CCDC12: variants seen among roughly 807,000 people sequenced by gnomAD.
CCDC12 encodes coiled-coil domain-containing protein 12.
CCDC12 carries 28 observed loss-of-function variants against 25.7 expected under a neutral mutation model. The observed-to-expected ratio is 1.09, with a 90% CI of 0.81 to 1.50. CCDC12 has a LOEUF of 1.50. Among genes scored for constraint, CCDC12 ranks in the 40% most tolerant of loss-of-function variants. CCDC12 has a pLI of 0.00. For missense variants in CCDC12, 198 were observed against 210.0 expected, an observed-to-expected ratio of 0.94 and a Z score of 0.35; for synonymous variants, 75 against 87.7, an observed-to-expected ratio of 0.86 and a Z score of 0.81.
chr3:46,935,286 G>A (rs1309359502), intron 2 of CCDC12, among the ~76,000 whole-genome samples: 3 of 152,152 alleles, frequency 2.0e-5, no homozygotes, highest in African/African-American at 2.4e-5. Context: ...TTGGGAGGTC[G>A]GGACTTGCTT....
intron 1 of CCDC12, among the ~76,000 whole-genome samples, chr3:46,957,456 A>G (rs1002290437): frequency 6.6e-5 from 10 of 151,172 alleles, no homozygotes; most frequent in Admixed American, 4.0e-4. Context: ...AAGTGGCTCG[A>G]TTTCTAAAAC....
At chr3:46,979,675 G>A (rs1432893047), upstream of CCDC12, 3 of 317,508 alleles carry the variant, frequency 9.4e-6, no homozygotes, top group African/African-American at 6.6e-5. Context: ...CAGTGAGGAG[G>A]AGGAGCGAGC....
chr3:46,927,655 C>T (rs7624740), intron 2 of CCDC12, among the ~76,000 whole-genome samples: 6,681 of 152,276 alleles, frequency 0.044, 274 homozygotes, highest in African/African-American at 0.1. Context: ...TCCCGACCAC[C>T]ATGGGAAGGT....
chr3:46,967,776 G>C (rs1427127821), intron 1 of CCDC12, among the ~76,000 whole-genome samples: 1 of 152,172 alleles, frequency 6.6e-6, no homozygotes, highest in Non-Finnish European at 1.5e-5. Context: ...TAGCTGCAGA[G>C]TTCCTGCAGT....
intron 2 of CCDC12, among the ~76,000 whole-genome samples, chr3:46,938,516 CTGT>C (rs2033548431): frequency 8.3e-6 from 1 of 120,162 alleles, no homozygotes; most frequent in African/African-American, 2.9e-5. Context: ...TGTTCCCCTC[CTGT>C]TTTTTTTTTT....
chr3:46,922,341 A>G (rs771012074), intron 5 of CCDC12, 29 bp from the exon 6 acceptor site: 9 of 1,613,364 alleles, frequency 5.6e-6, no homozygotes, highest in Non-Finnish European at 7.6e-6. Flanking sequence ...GAGAAGCAGG[A>G]AGGTGAAGGC....
chr3:46,957,002 G>C (rs780920803), intron 1 of CCDC12, among the ~76,000 whole-genome samples: 31 of 152,148 alleles, frequency 2.0e-4, no homozygotes, highest in Admixed American at 1.3e-4. Flanking sequence ...GGGCTGCCCA[G>C]AGCCCGAGCT....
chr3:46,951,372 A>G (rs2034108128), intron 1 of CCDC12, among the ~76,000 whole-genome samples: 1 of 152,082 alleles, frequency 6.6e-6, no homozygotes, highest in Non-Finnish European at 1.5e-5. Context: ...TTAAAGTCTC[A>G]CCACAAAAAA....
intron 2 of CCDC12, 108 bp downstream of exon 2, chr3:46,940,890 G>C: frequency 9.5e-7 from 1 of 1,047,386 alleles, no homozygotes; most frequent in Non-Finnish European, 1.5e-6. Flanking sequence ...AGAAAGAAGA[G>C]GGGAGGGAAC....
At chr3:46,952,034 G>A (rs1358874158) in intron 1 of CCDC12, among the ~76,000 whole-genome samples, 1 of 151,228 alleles carries the variant, frequency 6.6e-6, no homozygotes, top group Non-Finnish European at 1.5e-5. Context: ...GCACAAAGGT[G>A]TTCTTCCCAT....
rs2032706723 is a variant in CCDC12, at chr3:46,922,149, A to G, written c.419-10T>C. ...CCTTTCAGCCTTTCACCTGGGATGGATGGCAGACAGAAGGGGTGGGGAGGG... is the reference window on the plus strand; with the variant it reads ...CCTTTCAGCCTTTCACCTGGGATGGGTGGCAGACAGAAGGGGTGGGGAGGG... On this transcript the variant is annotated splice_polypyrimidine_tract_variant and intron_variant, in intron 6 of 6. Coordinates refer to ENST00000683445, the MANE Select transcript of CCDC12 (RefSeq NM_001277074.2). 2 of 1,614,260 alleles carry G rather than the reference A, an allele frequency of 1.2e-6. No individual in the cohort carries two copies. Among genetic ancestry groups the G allele is most frequent in the Non-Finnish European group, 1.7e-6 (2 of 1,180,036 alleles).
At chr3:46,957,630 T>C (rs1419869246) in intron 1 of CCDC12, among the ~76,000 whole-genome samples, 1 of 152,166 alleles carries the variant, frequency 6.6e-6, no homozygotes, top group Non-Finnish European at 1.5e-5. Context: ...CAGTACTGAC[T>C]GAGTAGCTAG....
chr3:46,976,281 C>T, intron 1 of CCDC12: 1 of 1,116,592 alleles, frequency 9.0e-7, no homozygotes, highest in Non-Finnish European at 1.1e-6. Flanking sequence ...ACCAGCTAGG[C>T]CATAGAGGAA....
At chr3:46,973,741 T>C (rs573866964) in intron 1 of CCDC12, among the ~76,000 whole-genome samples, 1 of 151,082 alleles carries the variant, frequency 6.6e-6, no homozygotes, top group South Asian at 2.1e-4. Context: ...GCCTCCCAAG[T>C]AGCTGGGACT....
At chr3:46,974,516 GC>G (rs2034906244) in intron 1 of CCDC12, among the ~76,000 whole-genome samples, 1 of 151,882 alleles carries the variant, frequency 6.6e-6, no homozygotes, top group African/African-American at 2.4e-5. Flanking sequence ...AGGTGAACTA[GC>G]CATTGTTTGA....
chr3:46,930,749 A>G (rs1027246739), intron 2 of CCDC12, among the ~76,000 whole-genome samples: 4 of 152,174 alleles, frequency 2.6e-5, no homozygotes, highest in African/African-American at 9.6e-5. Context: ...CATCACGCTT[A>G]AAGAGCCAGC....
chr3:46,975,327 G>T (rs1392084126), intron 1 of CCDC12, among the ~76,000 whole-genome samples: 1 of 151,302 alleles, frequency 6.6e-6, no homozygotes, highest in African/African-American at 2.4e-5. Flanking sequence ...TGGGATTACA[G>T]GTGCCTGCCA....
chr3:46,950,025 CAAA>C (rs11298672), intron 1 of CCDC12, among the ~76,000 whole-genome samples: 15 of 108,516 alleles, frequency 1.4e-4, no homozygotes, highest in Admixed American at 1.9e-4. Flanking sequence ...GACTCCATCT[CAAA>C]AAAAAAAAAA....
chr3:46,975,254 C>T (rs748125699), intron 1 of CCDC12, among the ~76,000 whole-genome samples: 3 of 151,560 alleles, frequency 2.0e-5, no homozygotes, highest in African/African-American at 2.4e-5. Flanking sequence ...GGCGCGATCT[C>T]GGCTCACTGC....
Sources: allele counts gnomAD v4.1 joint callset (sites outside exome capture counted in the v4.1 genomes callset), GRCh38; gene constraint gnomAD v4.1.1; transcripts MANE v1.5; gene names NCBI Gene and HGNC (gene_info 2026-07-23, HGNC 2026-07-21).